Variants in RNF207 observed in about 807,000 individuals in gnomAD.
The protein encoded by RNF207 is ring finger protein 207.
RNF207 carries 72 observed loss-of-function variants against 79.0 expected under a neutral mutation model. The ratio of observed to expected loss-of-function variants is 0.91; its 90% CI spans 0.75 to 1.11. RNF207 has a LOEUF of 1.11. Ranked by LOEUF, RNF207 falls within the 50% of genes least tolerant of loss-of-function variation. RNF207 has a pLI of 0.00. For synonymous variants in RNF207, 348 were observed against 366.2 expected (o/e 0.95, Z 0.57); for missense variants, 936 against 855.8 (o/e 1.09, Z -1.17).
intron 7 of RNF207, 54 bp from the exon 8 acceptor site, chr1:6,209,870 G>A: frequency 6.5e-7 from 1 of 1,538,338 alleles, no homozygotes; most frequent in Non-Finnish European, 8.8e-7. Context: ...TAGGCATGGT[G>A]GGAGGTGGCA....
chr1:6,209,529 G>A lies in RNF207; in HGVS notation c.743G>A (p.Gly248Asp). The change falls in exon 7 of 18, where the codon GGC becomes GAC. Residue 248 changes from glycine to aspartate, a missense_variant. Coordinates refer to ENST00000377939, the MANE Select transcript of RNF207 (RefSeq NM_207396.3). ...EEEDAIHALF[G>D]SMQDRLAERK... The stretch of plus-strand genomic sequence containing the variant: ...GAGGACGCTATCCACGCCCTCTTCG[G>A]CAGCATGCAGGTGAGGGGTGGGGGT... 1 of 1,466,082 alleles carries A rather than the reference G, an allele frequency of 6.8e-7. No individual in the cohort carries two copies. The allele number at this position is 1,466,082 out of a possible 1,614,324, so 90.8% of individuals were successfully genotyped here. A position where few individuals can be genotyped will look rare whatever the true frequency, so the allele number is the denominator to read the frequency against.
chr1:6,212,430 G>C lies in RNF207; in HGVS notation c.1482+14G>C, dbSNP rs767234198. On this transcript the variant is annotated intron_variant, in intron 14 of 17. Coordinates refer to ENST00000377939, the MANE Select transcript of RNF207 (RefSeq NM_207396.3). ...GTCTTCCAGGAGGTAGCCCTCCCAA[G>C]GACTCTAACTCCAGCCCCACCTGTC... 2 of 1,598,148 alleles carry C rather than the reference G, an allele frequency of 1.3e-6. No individual in the cohort carries two copies. The highest frequency in any genetic ancestry group is 1.1e-5 in the South Asian group (1 of 88,130).
chr1:6,217,089 C>T lies in RNF207; in HGVS notation c.1653-1200C>T, dbSNP rs1180466407. Among the ~76,000 whole-genome samples the T allele has an allele frequency of 6.6e-6, 1 of 152,022 alleles. No homozygotes were observed. Among genetic ancestry groups the T allele is most frequent in the Admixed American group, 6.6e-5 (1 of 15,260 alleles). Reference sequence around the variant, plus strand: ...TGTGCTATGTTGCCAAAGATGGTCTCCAACTCCTGGGCTAAGTGATCCTCC... The same window carrying T: ...TGTGCTATGTTGCCAAAGATGGTCTTCAACTCCTGGGCTAAGTGATCCTCC... On this transcript the variant is annotated intron_variant, in intron 16 of 17. Coordinates refer to ENST00000377939, the MANE Select transcript of RNF207 (RefSeq NM_207396.3). This position sits in a 1 kb window ranked among gnomAD's most constrained non-coding sequence, Gnocchi z 4.2.
Position 6,221,281 on chromosome 1 carries a change from A to C in RNF207, c.*1874A>C, listed in dbSNP as rs1266870366. ...AAATCCAATTTAGAATATTTAAATA[A>C]ACATTTATGTAAAAAGAAGAGTAGA... On this transcript the variant is annotated 3_prime_UTR_variant, in exon 18 of 18. Coordinates refer to ENST00000377939, the MANE Select transcript of RNF207 (RefSeq NM_207396.3). 6.6e-6 allele frequency: 1 copy of C among 152,664 alleles called. No individual in the cohort carries two copies. The highest frequency in any genetic ancestry group is 1.9e-4 in the East Asian group (1 of 5,206). The allele number at this position is 152,664 out of a possible 1,614,324, so 9.5% of individuals were successfully genotyped here. A position where few individuals can be genotyped will look rare whatever the true frequency, so the allele number is the denominator to read the frequency against.
intron 9 of RNF207, 29 bp downstream of exon 9, chr1:6,210,324 C>T: frequency 1.2e-6 from 2 of 1,612,788 alleles, no homozygotes; most frequent in Non-Finnish European, 1.7e-6. Context: ...GCGGGTGGGT[C>T]CCTCCTCCTC....
At chr1:6,215,102 A>T (rs1668317711) in intron 16 of RNF207, among the ~76,000 whole-genome samples, 1 of 147,558 alleles carries the variant, frequency 6.8e-6, no homozygotes, top group Non-Finnish European at 1.5e-5. Context: ...GATCTTGGCT[A>T]ACCACAACCT....
rs533051153 is a variant in RNF207 at position 6,209,108 on chromosome 1, C to T, written c.470-7C>T. 7 of 1,551,566 alleles carry T rather than the reference C, an allele frequency of 4.5e-6. No individual in the cohort carries two copies. The highest frequency in any genetic ancestry group is 2.7e-5 in the African/African-American group (2 of 73,280). ...GGAGCCCTCACCACCGCCCGCCGCC[C>T]CCGCAGCGCTGCACGCAGAGCCCTA... On this transcript the variant is annotated splice_polypyrimidine_tract_variant and splice_region_variant and intron_variant, in intron 4 of 17. Coordinates refer to ENST00000377939, the MANE Select transcript of RNF207 (RefSeq NM_207396.3).
At position 6,211,210 on chromosome 1, in the gene RNF207, G is replaced by A; in HGVS notation, c.1109+92G>A. 1 of 834,380 alleles carries A rather than the reference G, an allele frequency of 1.2e-6. No individual in the cohort carries two copies. The highest frequency in any genetic ancestry group is 2.7e-5 in the East Asian group (1 of 37,366). The allele number at this position is 834,380 out of a possible 1,614,324, so 51.7% of individuals were successfully genotyped here. A position where few individuals can be genotyped will look rare whatever the true frequency, so the allele number is the denominator to read the frequency against. On this transcript the variant is annotated intron_variant, in intron 12 of 17. Coordinates refer to ENST00000377939, the MANE Select transcript of RNF207 (RefSeq NM_207396.3). The surrounding 1 kb of genome is among the most constrained non-coding windows in gnomAD (Gnocchi z 4.2). ...TGAGGGGCCAGATCGCCAGCAAGAA[G>A]CCAGGTGCCACCATTCCTTCCTCCG...
At chr1:6,210,689 C>A (rs1281888688) in intron 10 of RNF207, 181 bp from the exon 11 acceptor site, 2 of 672,270 alleles carry the variant, frequency 3.0e-6, no homozygotes, top group African/African-American at 1.8e-5. Flanking sequence ...CAGCCGCCCC[C>A]TCTCCTGTGG....
intron 3 of RNF207, 189 bp from the exon 4 acceptor site, chr1:6,208,692 G>A (rs534102403): frequency 5.2e-6 from 3 of 582,482 alleles, no homozygotes; most frequent in African/African-American, 4.1e-5. Context: ...CAGCCTCTGA[G>A]CCGCAGTGCC....
chr1:6,209,087 C>G, intron 4 of RNF207, 28 bp from the exon 5 acceptor site: 1 of 1,547,654 alleles, frequency 6.5e-7, no homozygotes, highest in Non-Finnish European at 8.7e-7. Context: ...CTGACCGGAG[C>G]CCTCACCACC....
chr1:6,209,393 C>T lies in RNF207; in HGVS notation c.628-21C>T, dbSNP rs1229901240. ...GGGCCGCGCGGCGGCGATCGCGAGC[C>T]TGACCACGCCCTGTCCCCAGGCCGT... On this transcript the variant is annotated intron_variant, in intron 6 of 17. Coordinates refer to ENST00000377939, the MANE Select transcript of RNF207 (RefSeq NM_207396.3). 9 of 1,524,438 alleles carry T rather than the reference C, an allele frequency of 5.9e-6. No individual in the cohort carries two copies. In the East Asian group the frequency reaches 2.3e-4, roughly 38 times the overall value. The allele number at this position is 1,524,438 out of a possible 1,614,324, so 94.4% of individuals were successfully genotyped here. A position where few individuals can be genotyped will look rare whatever the true frequency, so the allele number is the denominator to read the frequency against.
chr1:6,210,055 C>A, intron 8 of RNF207, 85 bp downstream of exon 8: 1 of 1,422,220 alleles, frequency 7.0e-7, no homozygotes, highest in Non-Finnish European at 9.7e-7. Context: ...CCTGCCCCAC[C>A]CTGAGGAGCA....
rs1264958234 is a variant in RNF207, at chr1:6,207,780, G to A, written c.324+269G>A. The A allele has an allele frequency of 4.7e-6, 3 of 643,834 alleles. No homozygotes were observed. Among genetic ancestry groups the A allele is most frequent in the African/African-American group, 3.6e-5 (2 of 56,052 alleles). 39.9% of individuals were successfully genotyped at this position (643,834 alleles called of 1,614,324 possible). ...AGAGCTCACTGGTCCCCAATTCAGG[G>A]TGGAGTTGTGGACCTGCACAGGAGG... On this transcript the variant is annotated intron_variant, in intron 3 of 17. Transcript: ENST00000377939. This position sits in a 1 kb window ranked among gnomAD's most constrained non-coding sequence, Gnocchi z 4.5.
intron 17 of RNF207, 37 bp from the exon 18 acceptor site, chr1:6,219,196 TGGG>T (rs772379202): frequency 1.3e-6 from 2 of 1,548,410 alleles, no homozygotes; most frequent in South Asian, 2.4e-5. Context: ...TATGGTGAAA[TGGG>T]GGAGCGGGCT....
At chr1:6,208,313 A>T (rs1450444822) in intron 3 of RNF207, 19 of 140,738 alleles carry the variant, frequency 1.4e-4, no homozygotes, top group African/African-American at 5.1e-4. Flanking sequence ...TGTTGCAGGT[A>T]AAAAAAAAAA....
rs1667981874 is a variant in RNF207 at position 6,207,991 on chromosome 1, T to C, written c.324+480T>C. The C allele has an allele frequency of 3.0e-6, 1 of 329,428 alleles. No homozygotes were observed. The highest frequency in any genetic ancestry group is 2.1e-5 in the African/African-American group (1 of 46,588). The allele number at this position is 329,428 out of a possible 1,614,324, so 20.4% of individuals were successfully genotyped here. A position where few individuals can be genotyped will look rare whatever the true frequency, so the allele number is the denominator to read the frequency against. On this transcript the variant is annotated intron_variant, in intron 3 of 17. Transcript: ENST00000377939. This position sits in a 1 kb window ranked among gnomAD's most constrained non-coding sequence, Gnocchi z 4.5. Reference sequence around the variant, plus strand: ...GGGAATCCCAGGAGGACGGCCCGACTGGGGCAAAAGCTCCAGCGTTCTGGA... The same window carrying C: ...GGGAATCCCAGGAGGACGGCCCGACCGGGGCAAAAGCTCCAGCGTTCTGGA...
At position 6,220,354 on chromosome 1, in the gene RNF207, G is replaced by A. The variant is rs755475659; in HGVS notation, c.*947G>A. ...CGTCGGTGTGCCAGGCCCTGTGCTG[G>A]GCAGAGTGTGGTATGTCAGGGTGTG... On this transcript the variant is annotated 3_prime_UTR_variant, in exon 18 of 18. Transcript: ENST00000377939. The A allele has an allele frequency of 6.6e-6, 1 of 152,188 alleles. No individual in the cohort carries two copies. The highest frequency in any genetic ancestry group is 1.5e-5 in the Non-Finnish European group (1 of 68,048). The allele number at this position is 152,188 out of a possible 1,614,324, so 9.4% of individuals were successfully genotyped here.
intron 16 of RNF207, among the ~76,000 whole-genome samples, chr1:6,214,323 G>A (rs550369534): frequency 3.2e-4 from 49 of 152,180 alleles, no homozygotes; most frequent in Admixed American, 1.6e-3. Flanking sequence ...TTTGGTGAGA[G>A]TCTATTTCCA....
Sources: gnomAD v4.1 joint callset for allele counts (sites outside exome capture counted in the v4.1 genomes callset) on GRCh38, gnomAD v4.1.1 for gene constraint, Gnocchi (gnomAD v3.1) non-coding constraint, MANE v1.5 for transcripts, NCBI Gene and HGNC (gene_info 2026-07-23, HGNC 2026-07-21) for gene names.